The following CHRNA6 variants were observed in gnomAD, a reference collection of about 807,000 sequenced individuals.
CHRNA6 encodes the protein cholinergic receptor nicotinic alpha 6 subunit.
A neutral mutation model predicts 40.9 loss-of-function variants in CHRNA6; 31 were observed. The ratio of observed to expected loss-of-function variants is 0.76; its 90% CI spans 0.57 to 1.02. CHRNA6 has a LOEUF of 1.02. Among genes scored for constraint, CHRNA6 ranks in the 50% least tolerant of loss-of-function variants. The pLI is 0.00. For missense variants in CHRNA6, 546 were observed against 596.6 expected (o/e 0.92, Z 0.88); for synonymous variants, 222 against 221.3 (o/e 1.00, Z -0.03).
intron 1 of CHRNA6, among the ~76,000 whole-genome samples, chr8:42,767,649 A>G (rs1297348640): frequency 6.6e-6 from 1 of 152,228 alleles, no homozygotes; most frequent in Admixed American, 6.5e-5. Flanking sequence ...AGCAGGAAGG[A>G]CAAATTTAAG....
At position 42,752,917 on chromosome 8, in the gene CHRNA6, C is replaced by A. The variant is rs537757641; in HGVS notation, c.*262G>T. On this transcript the variant is annotated 3_prime_UTR_variant, in exon 6 of 6. Transcript: ENST00000276410. Reference sequence around the variant, plus strand: ...TCTTTAGAAGCCAAACACACAGACACGAGAAACCTGACCTGATACTGTAGC... The same window carrying A: ...TCTTTAGAAGCCAAACACACAGACAAGAGAAACCTGACCTGATACTGTAGC... 2.0e-5 allele frequency: 6 copies of A among 303,262 alleles called. No homozygotes were observed. The Admixed American group carries it at 2.4e-4, about 12-fold the overall frequency. The allele number at this position is 303,262 out of a possible 1,614,324, so 18.8% of individuals were successfully genotyped here.
rs766345085 is a variant in CHRNA6, at chr8:42,756,435, G to A, written c.764C>T (p.Ser255Leu). The change falls in exon 5 of 6, where the codon TCA (serine) becomes TTA (leucine). Residue 255 changes from serine to leucine, a missense_variant. Transcript: ENST00000276410. ...INLIIPCLFI[S>L]FLTVLVFYLP... ...GTAAAAGACCAACACGGTTAGAAAT[G>A]AAATAAAGAGACAAGGGATGATCAG... 7 of 1,614,224 alleles carry A rather than the reference G, an allele frequency of 4.3e-6. No individual in the cohort carries two copies. The South Asian group carries it at 4.4e-5, about 10-fold the overall frequency.
At chr8:42,759,744 C>CA (rs908747203) in intron 2 of CHRNA6, among the ~76,000 whole-genome samples, 1 of 151,784 alleles carries the variant, frequency 6.6e-6, no homozygotes, top group South Asian at 2.1e-4. Context: ...CTAAAAAATA[C>CA]AAAAAAATAG....
At position 42,758,835 on chromosome 8, in the gene CHRNA6, A is replaced by T. The variant is rs182629286; in HGVS notation, c.264+234T>A. The stretch of plus-strand genomic sequence containing the variant: ...GTTACAGAAAAGTGGAAGATCTGAG[A>T]GCAGCAACCAGGAAGGATGGAAACC... On this transcript the variant is annotated intron_variant, in intron 3 of 5. Coordinates refer to ENST00000276410, the MANE Select transcript of CHRNA6 (RefSeq NM_004198.3). 1.2e-3 allele frequency among the ~76,000 whole-genome samples: 190 copies of T among 152,328 alleles called. 2 individuals are homozygous for T. The South Asian group carries it at 0.024, about 20-fold the overall frequency.
rs201264351 is a variant in CHRNA6, at chr8:42,752,975, A to C, written c.*204T>G. On this transcript the variant is annotated 3_prime_UTR_variant, in exon 6 of 6. Transcript: ENST00000276410. The stretch of plus-strand genomic sequence containing the variant: ...GCTGCCCAATCAGGGCACTAATGTC[A>C]TAACACTTCTCACTTCTCCCCCTGT... The C allele has an allele frequency of 6.1e-6, 3 of 493,824 alleles. No homozygotes were observed. In the South Asian group the frequency reaches 7.5e-5, roughly 12 times the overall value. The allele number at this position is 493,824 out of a possible 1,614,324, so 30.6% of individuals were successfully genotyped here.
intron 2 of CHRNA6, among the ~76,000 whole-genome samples, chr8:42,764,664 G>A (rs1471021687): frequency 6.6e-6 from 1 of 152,142 alleles, no homozygotes; most frequent in African/African-American, 2.4e-5. Context: ...AAAAGGGCAT[G>A]AGCTTTGGAG....
Position 42,753,278 on chromosome 8 carries a change from C to T in CHRNA6, c.1386G>A (p.Val462=). The T allele has an allele frequency of 6.2e-7, 1 of 1,608,946 alleles. No homozygotes were observed. The highest frequency in any genetic ancestry group is 8.5e-7 in the Non-Finnish European group (1 of 1,178,948). Residue 462 remains valine (V), a synonymous_variant, in exon 6 of 6, where the codon GTG becomes GTA. Coordinates refer to ENST00000276410, the MANE Select transcript of CHRNA6 (RefSeq NM_004198.3). ...ATACCCAAAGAAATACTCTGTCCAC[C>T]ACCATGGCCACGTATTTCCAGTCAT... ...VEDDWKYVAM[V]VDRVFLWVFI...
chr8:42,768,596 C>T lies in CHRNA6; in HGVS notation c.-166G>A. 1.8e-6 allele frequency: 1 copy of T among 555,856 alleles called. No homozygotes were observed. The highest frequency in any genetic ancestry group is 3.0e-5 in the Admixed American group (1 of 33,104). 34.4% of individuals were successfully genotyped at this position (555,856 alleles called of 1,614,324 possible). ...TCCCCGGGACTTCACACGGTTATTACCAGGATCAGAGACTGAGGCAGACAT... is the reference window on the plus strand; with the variant it reads ...TCCCCGGGACTTCACACGGTTATTATCAGGATCAGAGACTGAGGCAGACAT... On this transcript the variant is annotated 5_prime_UTR_variant, in exon 1 of 6. Coordinates refer to ENST00000276410, the MANE Select transcript of CHRNA6 (RefSeq NM_004198.3).
At position 42,756,337 on chromosome 8, in the gene CHRNA6, C is replaced by T; in HGVS notation, c.862G>A (p.Val288Ile). Reference protein sequence around the residue: ...VLLSLTVFLLVITETIPSTSL... With the variant: ...VLLSLTVFLLIITETIPSTSL... ...GTGGATGGGATGGTTTCTGTGATGA[C>T]CAGCAAAAACACAGTCAGAGAAAGC... Residue 288 changes from valine to isoleucine, a missense_variant, in exon 5 of 6, where the codon GTC (valine) becomes ATC (isoleucine). Coordinates refer to ENST00000276410, the MANE Select transcript of CHRNA6 (RefSeq NM_004198.3). The T allele has an allele frequency of 8.1e-6, 13 of 1,614,162 alleles. No individual in the cohort carries two copies. Among genetic ancestry groups the T allele is most frequent in the Non-Finnish European group, 9.3e-6 (11 of 1,180,036 alleles).
At chr8:42,765,284 G>A in intron 1 of CHRNA6, 80 bp from the exon 2 acceptor site, 10 of 1,500,868 alleles carry the variant, frequency 6.7e-6, no homozygotes, top group Non-Finnish European at 9.2e-6. Context: ...TTCTTCCCGG[G>A]CCCTGTGGGG....
At chr8:42,767,314 T>G (rs1354052331) in intron 1 of CHRNA6, among the ~76,000 whole-genome samples, 1 of 152,246 alleles carries the variant, frequency 6.6e-6, no homozygotes, top group Non-Finnish European at 1.5e-5. Flanking sequence ...ATAATAGCAC[T>G]TTCAGTCACT....
Position 42,756,604 on chromosome 8 carries a change from CATTCATATCCACTTTTG to C in CHRNA6, c.578_594del (p.Ser193Ter), listed in dbSNP as rs1263482379. The C allele has an allele frequency of 5.0e-6, 8 of 1,614,018 alleles. No homozygotes were observed. In the African/African-American group the frequency reaches 1.1e-4, roughly 22 times the overall value. ...TCCCATTCACTGTTTTCCCAAAAAT[CATTCATATCCACTTTTG>C]ATCCAATGATTAGAAGATCAATTTC... On this transcript the variant is annotated frameshift_variant, in exon 5 of 6. Coordinates refer to ENST00000276410, the MANE Select transcript of CHRNA6 (RefSeq NM_004198.3). LOFTEE classifies it high-confidence loss of function.
At chr8:42,761,581 G>A (rs1816905218) in intron 2 of CHRNA6, among the ~76,000 whole-genome samples, 1 of 152,238 alleles carries the variant, frequency 6.6e-6, no homozygotes, top group Non-Finnish European at 1.5e-5. Context: ...GAAGCTCCAG[G>A]TGGTATGGAC....
intron 2 of CHRNA6, among the ~76,000 whole-genome samples, chr8:42,760,239 G>A (rs972677543): frequency 2.0e-5 from 3 of 150,348 alleles, no homozygotes; most frequent in Non-Finnish European, 3.0e-5. Flanking sequence ...TCATACACAC[G>A]CACACTCATG....
intron 3 of CHRNA6, 59 bp downstream of exon 3, chr8:42,759,010 G>C (rs1351346281): frequency 4.0e-6 from 5 of 1,249,912 alleles, no homozygotes; most frequent in Non-Finnish European, 5.9e-6. Flanking sequence ...GAACAAGGTA[G>C]TGCTTGTGGG....
chr8:42,754,626 T>A (rs542248643), intron 5 of CHRNA6, among the ~76,000 whole-genome samples: 2 of 152,302 alleles, frequency 1.3e-5, no homozygotes, highest in South Asian at 4.1e-4. Context: ...TTTCACAGTA[T>A]CCTTTCACTA....
At chr8:42,759,324 T>A (rs763802298) in intron 2 of CHRNA6, 1 of 546,986 alleles carries the variant, frequency 1.8e-6, no homozygotes, top group Non-Finnish European at 3.3e-6. Context: ...AGAGGCAATG[T>A]GGCTTTAAAC....
At chr8:42,754,932 A>G (rs927078014) in intron 5 of CHRNA6, among the ~76,000 whole-genome samples, 5 of 151,956 alleles carry the variant, frequency 3.3e-5, no homozygotes, top group Non-Finnish European at 5.9e-5. Context: ...CCTCTCCCAC[A>G]TCTCCCAGCA....
chr8:42,765,824 C>T (rs1333447013), intron 1 of CHRNA6, among the ~76,000 whole-genome samples: 7 of 152,156 alleles, frequency 4.6e-5, no homozygotes, highest in Non-Finnish European at 1.0e-4. Context: ...AAAAGCTCAA[C>T]AACACTGATC....
Sources: gnomAD v4.1 joint callset for allele counts (sites outside exome capture counted in the v4.1 genomes callset) on GRCh38, gnomAD v4.1.1 for gene constraint, MANE v1.5 for transcripts, NCBI Gene and HGNC (gene_info 2026-07-23, HGNC 2026-07-21) for gene names.